The following SV2C variants were observed in gnomAD, a reference collection of about 807,000 sequenced individuals.
SV2C encodes solute carrier family 22 member B3.
Under a neutral mutation model 79.7 loss-of-function variants are expected in SV2C, and 49 were observed. The ratio of observed to expected loss-of-function variants is 0.61; its 90% confidence interval spans 0.49 to 0.78. SV2C has a LOEUF of 0.78. SV2C is among the 30% of genes least tolerant of loss of function. The probability of loss-of-function intolerance (pLI) is 0.00; values close to 1 mark genes in which losing one functional copy is unlikely to be tolerated. For synonymous variants in SV2C, 334 were observed against 333.2 expected (o/e 1.00, Z -0.03); for missense variants, 833 against 912.9 (o/e 0.91, Z 1.13).
intron 4 of SV2C, among the ~76,000 whole-genome samples, chr5:76,277,095 C>A (rs1747045756): frequency 6.6e-6 from 1 of 152,062 alleles, no homozygotes; most frequent in Non-Finnish European, 1.5e-5. Context: ...AGAAAAGAAA[C>A]CTAACAAGTG....
chr5:76,027,672 A>G, the SV2C span, among the ~76,000 whole-genome samples: 2 of 152,178 alleles, frequency 1.3e-5, no homozygotes, highest in African/African-American at 2.4e-5. Flanking sequence ...ATATCAGTAA[A>G]TATTCTTGAG....
intron 12 of SV2C, among the ~76,000 whole-genome samples, chr5:76,316,145 T>A (rs1035689184): frequency 1.3e-5 from 2 of 152,146 alleles, no homozygotes; most frequent in African/African-American, 4.8e-5. Flanking sequence ...AAAGCAAAAT[T>A]GTCTAAATCC....
At chr5:76,065,882 T>G in the SV2C span, among the ~76,000 whole-genome samples, 1 of 152,160 alleles carries the variant, frequency 6.6e-6, no homozygotes, top group African/African-American at 2.4e-5. Context: ...CCTTTTAGGG[T>G]TCTACTTTAG....
At chr5:75,976,429 C>T in the SV2C span, among the ~76,000 whole-genome samples, 6 of 151,958 alleles carry the variant, frequency 3.9e-5, no homozygotes, top group Admixed American at 2.0e-4. Context: ...AACTCTTCAT[C>T]GACTGTTAAT....
chr5:76,209,939 C>T, intron 4 of SV2C, 52 bp downstream of exon 4: 2 of 1,550,356 alleles, frequency 1.3e-6, no homozygotes, highest in East Asian at 2.4e-5. Flanking sequence ...TTGCTTCAGG[C>T]TCCATTCCCA....
chr5:75,879,667 T>C, the SV2C span, among the ~76,000 whole-genome samples: 18,968 of 152,190 alleles, frequency 0.12, 1,396 homozygotes, highest in African/African-American at 0.22. Context: ...GCAGCTTTTC[T>C]AGGCTCAGGA....
rs190523845 is a variant in SV2C at position 76,190,366 on chromosome 5, C to T, written c.581-4553C>T. Among the ~76,000 whole-genome samples the T allele has an allele frequency of 6.3e-3, 961 of 152,158 alleles. 5 individuals carry two copies. The highest frequency in any genetic ancestry group is 8.8e-3 in the Non-Finnish European group (595 of 67,990). On this transcript the variant is annotated intron_variant, in intron 2 of 12. Coordinates refer to ENST00000502798, the MANE Select transcript of SV2C (RefSeq NM_014979.4). Reference sequence around the variant, plus strand: ...TAGAAAATTACCAAGAGGGATCTACCGCCATATCACCCTGAATGCACCCAG... The same window carrying T: ...TAGAAAATTACCAAGAGGGATCTACTGCCATATCACCCTGAATGCACCCAG...
At chr5:75,940,338 G>A in the SV2C span, among the ~76,000 whole-genome samples, 65 of 151,872 alleles carry the variant, frequency 4.3e-4, 1 homozygote, top group African/African-American at 1.3e-3. Context: ...CACTTCAGCC[G>A]ATTGTGCCAC....
upstream of SV2C, chr5:76,078,969 G>A: frequency 2.0e-6 from 1 of 509,350 alleles, no homozygotes; most frequent in South Asian, 1.6e-5. Flanking sequence ...TGAAAGAATT[G>A]AGTCAAGACA....
At chr5:76,048,561 T>A in the SV2C span, among the ~76,000 whole-genome samples, 1 of 152,088 alleles carries the variant, frequency 6.6e-6, no homozygotes, top group Admixed American at 6.6e-5. Context: ...AAATCAATTA[T>A]CACAAGCCTT....
chr5:75,980,123 T>G, the SV2C span, among the ~76,000 whole-genome samples: 1 of 151,954 alleles, frequency 6.6e-6, no homozygotes, highest in Non-Finnish European at 1.5e-5. Flanking sequence ...CTAGAAGAAA[T>G]GGATAAATTC....
chr5:76,324,328 G>T (rs1224844913), intron 12 of SV2C, among the ~76,000 whole-genome samples: 1 of 152,038 alleles, frequency 6.6e-6, no homozygotes, highest in Non-Finnish European at 1.5e-5. Flanking sequence ...TGAAATTATG[G>T]GAATTTACAA....
the SV2C span, among the ~76,000 whole-genome samples, chr5:75,997,648 C>G: frequency 6.6e-6 from 1 of 152,186 alleles, no homozygotes; most frequent in Non-Finnish European, 1.5e-5. Flanking sequence ...GAGATACCAT[C>G]TTACACCAGT....
At chr5:76,202,225 T>C (rs1744471367) in intron 3 of SV2C, among the ~76,000 whole-genome samples, 1 of 152,232 alleles carries the variant, frequency 6.6e-6, no homozygotes, top group Non-Finnish European at 1.5e-5. Context: ...AAATGTATTT[T>C]ATCAAACACC....
chr5:75,948,764 G>C, the SV2C span, among the ~76,000 whole-genome samples: 1 of 151,980 alleles, frequency 6.6e-6, no homozygotes, highest in African/African-American at 2.4e-5. Flanking sequence ...AAGAAAGCTG[G>C]TATAATTAGA....
At chr5:75,980,387 C>T in the SV2C span, among the ~76,000 whole-genome samples, 1 of 152,066 alleles carries the variant, frequency 6.6e-6, no homozygotes, top group African/African-American at 2.4e-5. Context: ...GTCCTGATAC[C>T]AAAACCTGGC....
intron 12 of SV2C, among the ~76,000 whole-genome samples, chr5:76,351,015 A>AC (rs1749632098): frequency 6.6e-6 from 1 of 151,610 alleles, no homozygotes; most frequent in African/African-American, 2.4e-5. Context: ...TCCATCTCAA[A>AC]AAAAAAAAAA....
the SV2C span, among the ~76,000 whole-genome samples, chr5:76,032,354 G>A: frequency 4.6e-5 from 7 of 151,872 alleles, no homozygotes; most frequent in African/African-American, 1.2e-4. Flanking sequence ...CCACTAACTC[G>A]GCATCTAGCA....
chr5:75,874,380 T>C, the SV2C span, among the ~76,000 whole-genome samples: 1 of 152,076 alleles, frequency 6.6e-6, no homozygotes. Context: ...AAACTCTCAA[T>C]AAACTAGGTA....
Sources: allele counts gnomAD v4.1 joint callset (sites outside exome capture counted in the v4.1 genomes callset), GRCh38; gene constraint gnomAD v4.1.1; transcripts MANE v1.5; gene names NCBI Gene and HGNC (gene_info 2026-07-23, HGNC 2026-07-21).